Variants in ZC3H8 observed in about 807,000 individuals in gnomAD.
ZC3H8 encodes zinc finger CCCH-type containing 8, also known as zinc finger CCCH domain-containing protein 8.
A neutral mutation model predicts 42.5 loss-of-function variants in ZC3H8; 27 were observed. That is an observed-to-expected ratio of 0.64 (90% CI 0.47 to 0.88). ZC3H8 has a LOEUF of 0.88. ZC3H8 is among the 40% of genes least tolerant of loss of function. ZC3H8 has a pLI of 0.00. For synonymous variants in ZC3H8, 101 were observed against 110.1 expected (o/e 0.92, Z 0.52); for missense variants, 277 against 336.1 (o/e 0.82, Z 1.37).
intron 2 of ZC3H8, among the ~76,000 whole-genome samples, chr2:112,246,995 G>C (rs1573924621): frequency 6.6e-6 from 1 of 152,302 alleles, no homozygotes; most frequent in East Asian, 1.9e-4. Flanking sequence ...ACTGAGGCAA[G>C]ACCCTCTGCC....
At chr2:112,240,429 T>C (rs901479626) in intron 2 of ZC3H8, 1 of 152,208 alleles carries the variant, frequency 6.6e-6, no homozygotes. Context: ...TTATTCAGTA[T>C]GCAGCAGCTC....
intron 8 of ZC3H8, among the ~76,000 whole-genome samples, chr2:112,224,227 G>GT (rs1347660095): frequency 6.6e-6 from 1 of 152,264 alleles, no homozygotes; most frequent in Admixed American, 6.5e-5. Flanking sequence ...TATCAGGAAC[G>GT]TAAGGGTGGT....
intron 1 of ZC3H8, among the ~76,000 whole-genome samples, chr2:112,252,961 G>C (rs1381008516): frequency 6.6e-6 from 1 of 152,100 alleles, no homozygotes; most frequent in Admixed American, 6.5e-5. Flanking sequence ...GTCTAACATG[G>C]TGAAACCCCG....
At chr2:112,230,867 C>T in intron 8 of ZC3H8, 36 bp downstream of exon 8, 1 of 1,260,576 alleles carries the variant, frequency 7.9e-7, no homozygotes, top group Non-Finnish European at 1.0e-6. Context: ...GATGTTCAGA[C>T]AAGAAAAAAA....
intron 4 of ZC3H8, among the ~76,000 whole-genome samples, chr2:112,236,029 C>A (rs75258901): frequency 2.0e-5 from 3 of 151,638 alleles, no homozygotes; most frequent in Non-Finnish European, 4.4e-5. Flanking sequence ...TGGTGGGAGC[C>A]GAGGCAGGTG....
intron 2 of ZC3H8, among the ~76,000 whole-genome samples, chr2:112,244,835 CTG>C (rs1468113787): frequency 2.0e-5 from 3 of 152,196 alleles, no homozygotes; most frequent in African/African-American, 7.2e-5. Context: ...AGCCATTCTC[CTG>C]TCTCTCTCCC....
rs564546338 is a variant in ZC3H8, at chr2:112,243,296, T to C, written c.157-4768A>G. Reference sequence around the variant, plus strand: ...TGAGGAGCTTCCGCCTAACCTTTGATTGGCAGTGACTCATCTGCAATGTAG... The same window carrying C: ...TGAGGAGCTTCCGCCTAACCTTTGACTGGCAGTGACTCATCTGCAATGTAG... On this transcript the variant is annotated intron_variant, in intron 2 of 8. Transcript: ENST00000409573. Among the ~76,000 whole-genome samples the C allele has an allele frequency of 1.1e-4, 16 of 152,352 alleles. No homozygotes were observed. In the South Asian group the frequency reaches 3.3e-3, roughly 32 times the overall value.
intron 2 of ZC3H8, among the ~76,000 whole-genome samples, chr2:112,249,855 T>C (rs1031209905): frequency 6.6e-6 from 1 of 152,192 alleles, no homozygotes; most frequent in African/African-American, 2.4e-5. Flanking sequence ...TAACAAATCA[T>C]AACCCTCAAA....
chr2:112,221,920 G>A (rs1684606280), intron 8 of ZC3H8, among the ~76,000 whole-genome samples: 1 of 152,130 alleles, frequency 6.6e-6, no homozygotes, highest in Non-Finnish European at 1.5e-5. Flanking sequence ...ACAGTCATTT[G>A]GAGGTAAGAA....
chr2:112,232,076 G>A (rs1685117564), intron 6 of ZC3H8, 129 bp from the exon 7 acceptor site: 3 of 448,962 alleles, frequency 6.7e-6, no homozygotes, highest in Non-Finnish European at 1.2e-5. Flanking sequence ...GTAGGAGGCG[G>A]AGGTGGGCAG....
intron 8 of ZC3H8, among the ~76,000 whole-genome samples, chr2:112,218,171 T>C (rs746105499): frequency 6.6e-6 from 1 of 152,240 alleles, no homozygotes; most frequent in Non-Finnish European, 1.5e-5. Context: ...GTACTTCATC[T>C]ATCTTCCCAT....
At chr2:112,240,988 C>A (rs115268816) in intron 2 of ZC3H8, among the ~76,000 whole-genome samples, 1 of 134,292 alleles carries the variant, frequency 7.4e-6, no homozygotes, top group Non-Finnish European at 1.6e-5. Flanking sequence ...TGTGTGTGCG[C>A]GTGTGTATGT....
chr2:112,231,794 C>G, intron 7 of ZC3H8, 44 bp downstream of exon 7: 2 of 1,279,682 alleles, frequency 1.6e-6, no homozygotes, highest in South Asian at 3.0e-5. Flanking sequence ...CAAACATATT[C>G]CTTAAAAAAG....
In ZC3H8 at chr2:112,231,950, A is replaced by C; in HGVS notation, c.734-3T>G. 6.7e-7 allele frequency: 1 copy of C among 1,486,082 alleles called. No homozygotes were observed. The highest frequency in any genetic ancestry group is 9.2e-7 in the Non-Finnish European group (1 of 1,081,484). 92.1% of individuals were successfully genotyped at this position (1,486,082 alleles called of 1,614,324 possible). ...GTAAAACTTACAAGGATATTCATGT[A>C]ACCCAAGTGTTAAGGAAGAGAACAA... On this transcript the variant is annotated splice_region_variant and splice_polypyrimidine_tract_variant and intron_variant, in intron 6 of 8. Coordinates refer to ENST00000409573, the MANE Select transcript of ZC3H8 (RefSeq NM_032494.3).
At chr2:112,233,551 T>C (rs1030933917) in intron 5 of ZC3H8, among the ~76,000 whole-genome samples, 180 bp from the exon 6 acceptor site, 2 of 151,268 alleles carry the variant, frequency 1.3e-5, no homozygotes, top group African/African-American at 4.9e-5. Flanking sequence ...TAAAATCTTC[T>C]TAAGTCCCAA....
At chr2:112,220,444 A>T (rs1684533514) in intron 8 of ZC3H8, among the ~76,000 whole-genome samples, 1 of 152,114 alleles carries the variant, frequency 6.6e-6, no homozygotes, top group Non-Finnish European at 1.5e-5. Flanking sequence ...CTTGGTTGAA[A>T]ATTCTTTAAG....
chr2:112,220,942 C>T (rs1486275159), intron 8 of ZC3H8, among the ~76,000 whole-genome samples: 3 of 152,170 alleles, frequency 2.0e-5, no homozygotes, highest in Admixed American at 6.5e-5. Flanking sequence ...TGAGGATGAT[C>T]TTCTTGTGTA....
In ZC3H8 at chr2:112,212,232, T is replaced by TTATAAGGG. The variant is rs1360246447; in HGVS notation, c.*4251_*4252insCCCTTATA. On this transcript the variant is annotated 3_prime_UTR_variant, in exon 9 of 9. Coordinates refer to ENST00000409573, the MANE Select transcript of ZC3H8 (RefSeq NM_032494.3). ...TCTTTTATAAGGGCACTAATCCCAT[T>TTATAAGGG]CATGAGGGGCTCCACCCTCAAAACC... 4 of 152,198 alleles carry TTATAAGGG rather than the reference T, an allele frequency of 2.6e-5. No individual in the cohort carries two copies. Among genetic ancestry groups the TTATAAGGG allele is most frequent in the Non-Finnish European group, 5.9e-5 (4 of 68,048 alleles). The allele number at this position is 152,198 out of a possible 1,614,324, so 9.4% of individuals were successfully genotyped here.
chr2:112,233,694 C>T (rs1460690584), intron 5 of ZC3H8, among the ~76,000 whole-genome samples: 1 of 151,996 alleles, frequency 6.6e-6, no homozygotes, highest in South Asian at 2.1e-4. Flanking sequence ...GGTGAAACCT[C>T]GTCCCTACTA....
Sources: allele counts gnomAD v4.1 joint callset (sites outside exome capture counted in the v4.1 genomes callset), GRCh38; gene constraint gnomAD v4.1.1; transcripts MANE v1.5; gene names NCBI Gene and HGNC (gene_info 2026-07-23, HGNC 2026-07-21).